The following PCDH15 variants were observed in gnomAD, a reference collection of about 807,000 sequenced individuals.
PCDH15 encodes the protein protocadherin related 15, also known as protocadherin-15.
Under a neutral mutation model 178.5 loss-of-function variants are expected in PCDH15, and 129 were observed. The observed-to-expected ratio is 0.72, with a 90% CI of 0.63 to 0.84. PCDH15 has a LOEUF of 0.84. PCDH15 is among the 40% of genes least tolerant of loss of function. The pLI, the probability that PCDH15 is intolerant of heterozygous loss-of-function variation, is 0.00. For synonymous variants in PCDH15, 800 were observed against 732.0 expected (o/e 1.09, Z -1.50); for missense variants, 2,230 against 2,099.9 (o/e 1.06, Z -1.21).
intron 3 of PCDH15, among the ~76,000 whole-genome samples, chr10:54,462,570 A>AGT (rs1417337271): frequency 1.9e-4 from 23 of 120,528 alleles, no homozygotes; most frequent in Non-Finnish European, 3.2e-4. Flanking sequence ...GCTGGAGTGC[A>AGT]GTGGCATGAT....
intron 2 of PCDH15, among the ~76,000 whole-genome samples, chr10:54,904,388 G>T (rs1445869773): frequency 6.6e-6 from 1 of 151,744 alleles, no homozygotes; most frequent in Non-Finnish European, 1.5e-5. Flanking sequence ...TACAATTTAT[G>T]TATTTGATTG....
At chr10:54,141,247 C>G (rs1007021513) in intron 14 of PCDH15, among the ~76,000 whole-genome samples, 5 of 152,076 alleles carry the variant, frequency 3.3e-5, no homozygotes, top group East Asian at 1.9e-4. Context: ...AGTTCCTAAA[C>G]TACCTTTGTC....
intron 2 of PCDH15, among the ~76,000 whole-genome samples, chr10:55,082,484 A>T (rs1178254380): frequency 6.6e-6 from 1 of 151,802 alleles, no homozygotes; most frequent in Admixed American, 6.6e-5. Flanking sequence ...TACACAACCT[A>T]ACAATGCATC....
intron 2 of PCDH15, among the ~76,000 whole-genome samples, chr10:55,099,780 T>C (rs1328708357): frequency 6.6e-6 from 1 of 151,030 alleles, no homozygotes; most frequent in African/African-American, 2.4e-5. Context: ...CAAACTTGAC[T>C]GCCAAAAAAA....
intron 2 of PCDH15, among the ~76,000 whole-genome samples, chr10:55,554,612 A>G (rs940906409): frequency 6.6e-6 from 1 of 151,982 alleles, no homozygotes; most frequent in Admixed American, 6.6e-5. Flanking sequence ...AAACCCACAC[A>G]TATGGGGGGC....
At position 55,129,194 on chromosome 10, in the gene PCDH15, T is replaced by C. The variant is rs529775779; in HGVS notation, c.-80+37382A>G. Among the ~76,000 whole-genome samples the C allele has an allele frequency of 1.1e-3, 165 of 152,208 alleles. 1 individual carries two copies. The highest frequency in any genetic ancestry group is 3.6e-3 in the African/African-American group (151 of 41,572). On this transcript the variant is annotated intron_variant, in intron 2 of 5. Coordinates refer to the PCDH15 transcript ENST00000458638. The stretch of plus-strand genomic sequence containing the variant: ...TCCAGTATTTGCTATACAAAAGTCA[T>C]TGAAAAGAGTGTCTAGAATAAATGT...
intron 2 of PCDH15, among the ~76,000 whole-genome samples, chr10:54,622,543 C>G (rs1033505182): frequency 7.8e-5 from 4 of 51,224 alleles, no homozygotes; most frequent in Non-Finnish European, 4.4e-5. Context: ...CAAACCCTTG[C>G]TGTCAAACAT....
At chr10:53,928,929 T>A (rs1156731559) in intron 25 of PCDH15, among the ~76,000 whole-genome samples, 1 of 152,054 alleles carries the variant, frequency 6.6e-6, no homozygotes, top group African/African-American at 2.4e-5. Flanking sequence ...AACTGTATCT[T>A]CTCTCTTTAG....
chr10:54,510,522 C>T (rs1419249761), intron 3 of PCDH15, among the ~76,000 whole-genome samples: 6 of 152,078 alleles, frequency 3.9e-5, no homozygotes, highest in Non-Finnish European at 1.5e-5. Context: ...CAAGTGGGTC[C>T]CCTTAGTACT....
intron 2 of PCDH15, among the ~76,000 whole-genome samples, chr10:55,545,609 C>T (rs111561148): frequency 0.046 from 6,967 of 151,266 alleles, 161 homozygotes; most frequent in Middle Eastern, 0.12. Flanking sequence ...CAGGGTTTCA[C>T]CATGTTGGCC....
intron 3 of PCDH15, among the ~76,000 whole-genome samples, chr10:54,433,293 A>G (rs762674934): frequency 3.9e-5 from 6 of 152,194 alleles, no homozygotes; most frequent in Non-Finnish European, 8.8e-5. Flanking sequence ...ACTGTTCACA[A>G]AAGCCAAGAT....
chr10:54,253,721 A>G (rs7912554), intron 8 of PCDH15, among the ~76,000 whole-genome samples: 3,741 of 152,172 alleles, frequency 0.025, 138 homozygotes, highest in African/African-American at 0.084. Context: ...TACTATATTT[A>G]TATTAAAATA....
chr10:55,153,508 G>T (rs1267412478), intron 2 of PCDH15, among the ~76,000 whole-genome samples: 1 of 152,122 alleles, frequency 6.6e-6, no homozygotes, highest in Non-Finnish European at 1.5e-5. Context: ...GAAAATGATG[G>T]CAGATAAAAT....
intron 1 of PCDH15, among the ~76,000 whole-genome samples, chr10:55,235,414 G>T (rs1841349723): frequency 6.6e-6 from 1 of 151,978 alleles, no homozygotes; most frequent in Non-Finnish European, 1.5e-5. Flanking sequence ...ATAAACCACT[G>T]ATTTACACCT....
At chr10:54,912,890 C>A (rs1423981118) in intron 2 of PCDH15, among the ~76,000 whole-genome samples, 3 of 152,118 alleles carry the variant, frequency 2.0e-5, no homozygotes, top group African/African-American at 7.2e-5. Context: ...TTACTGGGAA[C>A]TGGAGTAAAA....
intron 1 of PCDH15, among the ~76,000 whole-genome samples, chr10:54,788,202 A>G (rs1436133573): frequency 6.6e-6 from 1 of 151,954 alleles, no homozygotes; most frequent in African/African-American, 2.4e-5. Flanking sequence ...GGGATAAAAC[A>G]GGGCTGATAT....
At chr10:53,828,417 A>G in intron 31 of PCDH15, 148 bp downstream of exon 31, 1 of 688,938 alleles carries the variant, frequency 1.5e-6, no homozygotes, top group Non-Finnish European at 2.6e-6. Flanking sequence ...GCTCAATTCT[A>G]TATATATCAA....
At chr10:54,177,485 T>G (rs1022274698) in intron 13 of PCDH15, among the ~76,000 whole-genome samples, 1 of 152,028 alleles carries the variant, frequency 6.6e-6, no homozygotes, top group African/African-American at 2.4e-5. Flanking sequence ...CACTTTGGTA[T>G]GGGGTGTTAA....
In PCDH15 at chr10:55,538,858, CTTCCTCCTTTCCTTCCTTCCTCCCTTCCT is replaced by C. The variant is rs1564442587; in HGVS notation, c.-156+88738_-156+88766del. Among the ~76,000 whole-genome samples, 199 of 32,852 alleles carry C rather than the reference CTTCCTCCTTTCCTTCCTTCCTCCCTTCCT, an allele frequency of 6.1e-3. 35 individuals are homozygous for C. In the East Asian group the frequency reaches 0.07, roughly 12 times the overall value. The allele number at this position is 32,852 out of a possible 152,430, so 21.6% of individuals were successfully genotyped here. On this transcript the variant is annotated intron_variant, in intron 2 of 5. Coordinates refer to the PCDH15 transcript ENST00000613346. The stretch of plus-strand genomic sequence containing the variant: ...CGTTCCTTCCTCCTTTCCTTCCTTC[CTTCCTCCTTTCCTTCCTTCCTCCCTTCCT>C]TCCTTTCCTTCCTTCCTTCCTCCTT...
Sources: gnomAD v4.1 joint callset for allele counts (sites outside exome capture counted in the v4.1 genomes callset) on GRCh38, gnomAD v4.1.1 for gene constraint, MANE v1.5 for transcripts, NCBI Gene and HGNC (gene_info 2026-07-23, HGNC 2026-07-21) for gene names.